Variants in GNG10 observed in about 807,000 individuals in gnomAD.
The protein encoded by GNG10 is guanine nucleotide-binding protein G(I)/G(S)/G(O) subunit gamma-10.
GNG10 carries 7 observed loss-of-function variants against 6.8 expected under a neutral mutation model. The observed-to-expected ratio is 1.02, with a 90% CI of 0.58 to 1.92. GNG10 has a LOEUF of 1.92. Ranked by LOEUF, GNG10 falls within the 30% of genes most tolerant of loss-of-function variation. GNG10 has a pLI of 0.00. For synonymous variants in GNG10, 28 were observed against 34.8 expected, an observed-to-expected ratio of 0.80 and a Z score of 0.69; for missense variants, 57 against 86.1, an observed-to-expected ratio of 0.66 and a Z score of 1.34.
intron 1 of GNG10, among the ~76,000 whole-genome samples, chr9:111,665,728 C>CT (rs1352449187): frequency 1.3e-5 from 2 of 151,678 alleles, no homozygotes; most frequent in Admixed American, 6.6e-5. Context: ...AGATTCTTTT[C>CT]TTTTTTTGTT....
chr9:111,664,557 C>A (rs1171344809), intron 1 of GNG10, among the ~76,000 whole-genome samples: 1 of 152,102 alleles, frequency 6.6e-6, no homozygotes, highest in Non-Finnish European at 1.5e-5. Flanking sequence ...AACATGGGCT[C>A]AAACCAAGGA....
intron 1 of GNG10, among the ~76,000 whole-genome samples, chr9:111,664,392 GGT>G (rs1453258032): frequency 6.6e-6 from 1 of 152,122 alleles, no homozygotes; most frequent in African/African-American, 2.4e-5. Context: ...CATAGCCAGA[GGT>G]GTCTTCTCTT....
At position 111,661,932 on chromosome 9, in the gene GNG10, C is replaced by T. The variant is rs1424411667; in HGVS notation, c.81+217C>T. 4.0e-5 allele frequency among the ~76,000 whole-genome samples: 6 copies of T among 151,850 alleles called. No homozygotes were observed. In the East Asian group the frequency reaches 9.8e-4, roughly 25 times the overall value. Reference sequence around the variant, plus strand: ...AGCCGCGCCTGGGGGGCCCCGCGGTCGTGGTCGGTCCCGGTCCCTGGGGGT... The same window carrying T: ...AGCCGCGCCTGGGGGGCCCCGCGGTTGTGGTCGGTCCCGGTCCCTGGGGGT... On this transcript the variant is annotated intron_variant, in intron 1 of 2. Transcript: ENST00000374293. This position sits in a 1 kb window ranked among gnomAD's most constrained non-coding sequence, Gnocchi z 6.1.
At chr9:111,663,483 A>G (rs1485542580) in intron 1 of GNG10, among the ~76,000 whole-genome samples, 1 of 151,776 alleles carries the variant, frequency 6.6e-6, no homozygotes, top group African/African-American at 2.4e-5. Context: ...GTGATAGGTG[A>G]GACAGAAGGG....
chr9:111,669,069 G>A (rs1168823053), intron 2 of GNG10, among the ~76,000 whole-genome samples, 200 bp from the exon 3 acceptor site: 1 of 151,846 alleles, frequency 6.6e-6, no homozygotes, highest in Non-Finnish European at 1.5e-5. Context: ...ATGTTGGTCA[G>A]GCTGGTCTTG....
Position 111,666,814 on chromosome 9 carries a change from G to T in GNG10, c.82-1G>T. 3 of 1,612,190 alleles carry T rather than the reference G, an allele frequency of 1.9e-6. No individual in the cohort carries two copies. Among genetic ancestry groups the T allele is most frequent in the Non-Finnish European group, 2.5e-6 (3 of 1,179,528 alleles). ...GCCATGTTGCTGTCCCTTTGTTTCA[G>T]GTCTCTCAGGCAGCTGCAGAGCTTC... is the stretch of plus-strand genomic sequence containing the variant. On this transcript the variant is annotated splice_acceptor_variant, in intron 1 of 2. Transcript: ENST00000374293. LOFTEE classifies it high-confidence loss of function.
chr9:111,667,919 C>T (rs905880022), intron 2 of GNG10, among the ~76,000 whole-genome samples: 2 of 151,918 alleles, frequency 1.3e-5, no homozygotes, highest in Non-Finnish European at 2.9e-5. Flanking sequence ...TGCGGTGGCG[C>T]GATCTTGGCT....
At chr9:111,662,470 C>T (rs907412757) in intron 1 of GNG10, among the ~76,000 whole-genome samples, 1 of 152,124 alleles carries the variant, frequency 6.6e-6, no homozygotes, top group African/African-American at 2.4e-5. Context: ...GCAAGGTTTC[C>T]GAGCAAGGAA....
chr9:111,668,148 G>A (rs571467300), intron 2 of GNG10, among the ~76,000 whole-genome samples: 2 of 152,270 alleles, frequency 1.3e-5, no homozygotes, highest in East Asian at 3.9e-4. Flanking sequence ...TGGGATTACA[G>A]GCGTGACACA....
At chr9:111,666,670 G>A in intron 1 of GNG10, 145 bp from the exon 2 acceptor site, 1 of 1,298,764 alleles carries the variant, frequency 7.7e-7, no homozygotes, top group Non-Finnish European at 1.0e-6. Context: ...TGTAGTTCAA[G>A]TATTAGAACT....
rs1386039773 is a variant in GNG10, at chr9:111,661,914, C to T, written c.81+199C>T. 6.6e-6 allele frequency among the ~76,000 whole-genome samples: 1 copy of T among 151,620 alleles called. No individual in the cohort carries two copies. The highest frequency in any genetic ancestry group is 1.5e-5 in the Non-Finnish European group (1 of 67,856). On this transcript the variant is annotated intron_variant, in intron 1 of 2. Coordinates refer to ENST00000374293, the MANE Select transcript of GNG10 (RefSeq NM_001017998.4). This position sits in a 1 kb window ranked among gnomAD's most constrained non-coding sequence, Gnocchi z 6.1. ...CCGGGCCTGACGGGAGGAAGCCGCG[C>T]CTGGGGGGCCCCGCGGTCGTGGTCG... is the stretch of plus-strand genomic sequence containing the variant.
chr9:111,665,886 C>T (rs919948284), intron 1 of GNG10, among the ~76,000 whole-genome samples: 1 of 148,574 alleles, frequency 6.7e-6, no homozygotes, highest in African/African-American at 2.6e-5. Context: ...GCCACCACAC[C>T]CGGTTAATTT....
At chr9:111,664,656 G>T (rs1347367191) in intron 1 of GNG10, among the ~76,000 whole-genome samples, 1 of 152,150 alleles carries the variant, frequency 6.6e-6, no homozygotes, top group Non-Finnish European at 1.5e-5. Context: ...CCAGCCCACA[G>T]CCTCTCTCCC....
At chr9:111,666,619 T>A (rs1830903233) in intron 1 of GNG10, among the ~76,000 whole-genome samples, 196 bp from the exon 2 acceptor site, 1 of 152,220 alleles carries the variant, frequency 6.6e-6, no homozygotes, top group African/African-American at 2.4e-5. Context: ...AACCAAAAAA[T>A]ATCTAAATTG....
intron 1 of GNG10, among the ~76,000 whole-genome samples, chr9:111,663,815 G>T (rs1020280575): frequency 1.6e-5 from 2 of 126,468 alleles, no homozygotes; most frequent in Non-Finnish European, 3.2e-5. Context: ...AAAGAGGAAA[G>T]ATATTCTTTT....
chr9:111,662,621 G>A (rs1830840064), intron 1 of GNG10, among the ~76,000 whole-genome samples: 1 of 152,226 alleles, frequency 6.6e-6, no homozygotes, highest in Non-Finnish European at 1.5e-5. Flanking sequence ...ACACAACCAG[G>A]ATAGTCCCTG....
rs1052304796 is a variant in GNG10 at position 111,669,496 on chromosome 9, G to A, written c.*234G>A. ...ATAACTGCTTGTTTTTTTTGTGCAA[G>A]TACTTTTATACATAAGATAAACAAA... On this transcript the variant is annotated 3_prime_UTR_variant, in exon 3 of 3. Coordinates refer to ENST00000374293, the MANE Select transcript of GNG10 (RefSeq NM_001017998.4). 1 of 151,202 alleles carries A rather than the reference G, an allele frequency of 6.6e-6. No individual in the cohort carries two copies. Among genetic ancestry groups the A allele is most frequent in the Non-Finnish European group, 1.5e-5 (1 of 67,950 alleles). The allele number at this position is 151,202 out of a possible 1,614,324, so 9.4% of individuals were successfully genotyped here.
chr9:111,662,182 G>C (rs532670960), intron 1 of GNG10, among the ~76,000 whole-genome samples: 1 of 152,190 alleles, frequency 6.6e-6, no homozygotes, highest in Admixed American at 6.5e-5. Flanking sequence ...GTAGAGAGGA[G>C]GGGGAACAGG....
intron 1 of GNG10, among the ~76,000 whole-genome samples, chr9:111,665,641 T>C (rs1265235820): frequency 2.0e-5 from 3 of 152,296 alleles, no homozygotes; most frequent in South Asian, 2.1e-4. Context: ...CCAAGAGAGA[T>C]AGGTGCAGAG....
Sources: gnomAD v4.1 joint callset for allele counts (sites outside exome capture counted in the v4.1 genomes callset) on GRCh38, gnomAD v4.1.1 for gene constraint, Gnocchi (gnomAD v3.1) non-coding constraint, MANE v1.5 for transcripts, NCBI Gene and HGNC (gene_info 2026-07-23, HGNC 2026-07-21) for gene names.